Variants in PDZD4 observed in about 807,000 individuals in gnomAD.
The protein encoded by PDZD4 is PDZ domain-containing protein 4.
In PDZD4, 9 loss-of-function variants were observed where a neutral mutation model predicts 38.5. That is an observed-to-expected ratio of 0.23 (90% CI 0.14 to 0.41). The LOEUF (loss-of-function observed/expected upper bound fraction) is 0.41. Ranked by LOEUF, PDZD4 falls within the 10% of genes least tolerant of loss-of-function variation. PDZD4 has a pLI of 1.00. For missense variants in PDZD4, 612 were observed against 722.0 expected (o/e 0.85, Z 1.75); for synonymous variants, 349 against 315.7 (o/e 1.11, Z -1.12).
At chrX:153,816,130 C>G (rs929756620) in intron 1 of PDZD4, among the ~76,000 whole-genome samples, 32 of 99,984 alleles carry the variant, frequency 3.2e-4, no homozygotes, top group African/African-American at 1.0e-3. Flanking sequence ...CACCGCCACC[C>G]CCAGCCCCTC....
intron 1 of PDZD4, among the ~76,000 whole-genome samples, chrX:153,826,216 C>CA (rs199601688): frequency 0.034 from 1,307 of 38,684 alleles, 44 homozygotes; most frequent in African/African-American, 0.11. Context: ...GACTGTGTCT[C>CA]AAAAAAAAAA....
At chrX:153,829,984 C>A in intron 1 of PDZD4, 1 of 764,489 alleles carries the variant, frequency 1.3e-6, no homozygotes, top group Non-Finnish European at 1.7e-6. Context: ...AACCTCCATC[C>A]CGCGCCCGCC....
chrX:153,825,654 TA>T (rs2064473572), intron 1 of PDZD4, among the ~76,000 whole-genome samples: 1 of 112,220 alleles, frequency 8.9e-6, no homozygotes, highest in African/African-American at 3.2e-5. Flanking sequence ...ATCCGTGGAA[TA>T]AAGGAACCAT....
At position 153,804,339 on chromosome X, in the gene PDZD4, C is replaced by T. The variant is rs1569543245; in HGVS notation, c.1342G>A (p.Asp448Asn). Residue 448 changes from aspartate (D) to asparagine (N), a missense_variant, in exon 8 of 8, where the codon GAC (aspartate) becomes AAC (asparagine). Asp to Asn is a conservative substitution (Grantham distance 23). Around this residue, in one of 3 missense-constraint regions of PDZD4, gnomAD observed 300 missense variants for 284.6 expected, o/e 1.05. Coordinates refer to ENST00000393758, the MANE Select transcript of PDZD4 (RefSeq NM_001303512.2). Reference sequence around the variant, plus strand: ...TTCTTGGGCTCGCTGGCCGCCAGGTCGTAGAGGCTCTCCTCCTCCAGCAGC... The same window carrying T: ...TTCTTGGGCTCGCTGGCCGCCAGGTTGTAGAGGCTCTCCTCCTCCAGCAGC... ...AWLLEEESLY[D>N]LAASEPKKHE... is the part of the protein sequence containing the mutation. 2.5e-6 allele frequency: 3 copies of T among 1,207,369 alleles called. No homozygotes were observed. Among genetic ancestry groups the T allele is most frequent in the Non-Finnish European group, 3.4e-6 (3 of 894,500 alleles).
chrX:153,826,315 A>T (rs2064480905), intron 1 of PDZD4, among the ~76,000 whole-genome samples: 1 of 111,517 alleles, frequency 9.0e-6, no homozygotes, highest in South Asian at 3.7e-4. Context: ...CAATGACATG[A>T]TCCTAATATG....
chrX:153,814,473 A>ACCCCCCCCCCC (rs782572040), intron 1 of PDZD4, among the ~76,000 whole-genome samples: 1 of 40,361 alleles, frequency 2.5e-5, no homozygotes, highest in Non-Finnish European at 4.4e-5. Flanking sequence ...GACTCCATCC[A>ACCCCCCCCCCC]CCCCCCACCC....
chrX:153,808,687 C>T, intron 1 of PDZD4, 92 bp from the exon 2 acceptor site: 2 of 1,006,202 alleles, frequency 2.0e-6, no homozygotes, highest in Non-Finnish European at 1.3e-6. Flanking sequence ...AGGACCTGGG[C>T]TGACAACCAG....
intron 1 of PDZD4, among the ~76,000 whole-genome samples, chrX:153,827,541 T>C (rs1372708329): frequency 2.7e-5 from 3 of 112,693 alleles, no homozygotes; most frequent in Non-Finnish European, 5.6e-5. Context: ...TATTTGGCAA[T>C]AAAAAGAAAT....
chrX:153,810,144 T>C (rs184158808), intron 1 of PDZD4, among the ~76,000 whole-genome samples: 6 of 112,727 alleles, frequency 5.3e-5, no homozygotes, highest in African/African-American at 1.9e-4. Context: ...GAAGCACTTC[T>C]AGGAGGAGGC....
chrX:153,808,166 G>A lies in PDZD4; in HGVS notation c.314+176C>T. On this transcript the variant is annotated intron_variant, in intron 2 of 7. Coordinates refer to ENST00000393758, the MANE Select transcript of PDZD4 (RefSeq NM_001303512.2). ...TGGGGGTAGATACAACGGGGCGCCT[G>A]CTGGAGCCCGGCCCAAGGCTAGAGG... The A allele has an allele frequency of 2.8e-6, 3 of 1,074,920 alleles. No individual in the cohort carries two copies. In the South Asian group the frequency reaches 7.3e-5, roughly 26 times the overall value. 88.6% of individuals were successfully genotyped at this position (1,074,920 alleles called of 1,213,427 possible). A position where few individuals can be genotyped will look rare whatever the true frequency, so the allele number is the denominator to read the frequency against.
At chrX:153,805,340 A>AGAG in intron 6 of PDZD4, 133 bp from the exon 7 acceptor site, 2 of 707,978 alleles carry the variant, frequency 2.8e-6, no homozygotes, top group Non-Finnish European at 4.3e-6. Context: ...CAGCCCCCTC[A>AGAG]GCCTTCAGAG....
rs35283380 is a variant in PDZD4 at position 153,814,480 on chromosome X, A to ACCC, written c.61-5888_61-5886dup. Among the ~76,000 whole-genome samples the ACCC allele has an allele frequency of 6.2e-3, 336 of 53,800 alleles. 2 individuals carry two copies. The highest frequency in any genetic ancestry group is 0.024 in the East Asian group (28 of 1,170). The allele number at this position is 53,800 out of a possible 115,157, so 46.7% of individuals were successfully genotyped here. On this transcript the variant is annotated intron_variant, in intron 1 of 7. Coordinates refer to ENST00000393758, the MANE Select transcript of PDZD4 (RefSeq NM_001303512.2). ...CAGAGTCAGACTCCATCCACCCCCC[A>ACCC]CCCCCCCCCCAAAAAAAAGTCTCCT...
At position 153,806,061 on chromosome X, in the gene PDZD4, A is replaced by G. The variant is rs782194979; in HGVS notation, c.567+10T>C. 1 of 1,209,964 alleles carries G rather than the reference A, an allele frequency of 8.3e-7. No individual in the cohort carries two copies. Among genetic ancestry groups the G allele is most frequent in the East Asian group, 3.0e-5 (1 of 33,765 alleles). On this transcript the variant is annotated intron_variant, in intron 5 of 7. Transcript: ENST00000393758. ...GCCTTGGGCCAGGCCTGCAGCCTGC[A>G]AGTGCTCACCTGGATGATGCGGTCT...
chrX:153,803,975 C>T lies in PDZD4; in HGVS notation c.1706G>A (p.Ser569Asn). The T allele has an allele frequency of 8.6e-7, 1 of 1,161,056 alleles. No homozygotes were observed. The highest frequency in any genetic ancestry group is 1.1e-6 in the Non-Finnish European group (1 of 871,260). Residue 569 changes from serine (S) to asparagine (N), a missense_variant, in exon 8 of 8, where the codon AGC (serine) becomes AAC (asparagine). Ser to Asn is a conservative substitution (Grantham distance 46, BLOSUM62 1). Transcript: ENST00000393758. ...GLTLERVGPE[S>N]SPYLSRRHRG... is the part of the protein sequence containing the mutation. ...GTGGCGCCGCGAGAGGTAAGGGCTG[C>T]TTTCAGGGCCCACACGCTCCAGGGT...
chrX:153,825,478 C>T (rs1280361185), intron 1 of PDZD4, among the ~76,000 whole-genome samples: 7 of 112,418 alleles, frequency 6.2e-5, no homozygotes, highest in African/African-American at 2.3e-4. Flanking sequence ...TGTTTCCTGC[C>T]TTCCATTCTG....
At chrX:153,827,012 T>C (rs1435730664) in intron 1 of PDZD4, among the ~76,000 whole-genome samples, 3 of 112,034 alleles carry the variant, frequency 2.7e-5, no homozygotes, top group Non-Finnish European at 5.6e-5. Context: ...GGACTTAGAA[T>C]AGACAAAACA....
intron 3 of PDZD4, 87 bp downstream of exon 3, chrX:153,807,192 C>T (rs1435839867): frequency 3.1e-6 from 3 of 977,923 alleles, no homozygotes; most frequent in African/African-American, 1.9e-5. Flanking sequence ...AGGAGGGCCA[C>T]GGGGTTGGGC....
chrX:153,829,931 C>T (rs2064524547), intron 1 of PDZD4: 1 of 819,125 alleles, frequency 1.2e-6, no homozygotes, highest in Non-Finnish European at 1.5e-6. Context: ...GCCCTGGGTC[C>T]TGCGGGGAGA....
chrX:153,824,954 T>C (rs112200573), intron 1 of PDZD4, among the ~76,000 whole-genome samples: 2,952 of 111,997 alleles, frequency 0.026, 90 homozygotes, highest in African/African-American at 0.09. Context: ...GCCCAGATCG[T>C]ACCATTGCAC....
Sources: gnomAD v4.1 joint callset for allele counts (sites outside exome capture counted in the v4.1 genomes callset) on GRCh38, gnomAD v4.1.1 for gene constraint, gnomAD v4.1.1 regional missense constraint, MANE v1.5 for transcripts, NCBI Gene and HGNC (gene_info 2026-07-23, HGNC 2026-07-21) for gene names.